Variants in ATP11A observed in about 807,000 individuals in gnomAD.
The protein encoded by ATP11A is ATPase phospholipid transporting 11A, also known as phospholipid-transporting ATPase IH.
A neutral mutation model predicts 154.4 loss-of-function variants in ATP11A; 81 were observed. The observed-to-expected ratio is 0.52, with a 90% CI of 0.44 to 0.63. The LOEUF (loss-of-function observed/expected upper bound fraction) is 0.63. Ranked by LOEUF, ATP11A falls within the 30% of genes least tolerant of loss-of-function variation. ATP11A has a pLI of 0.00. For synonymous variants in ATP11A, 623 were observed against 585.9 expected, an observed-to-expected ratio of 1.06 and a Z score of -0.91; for missense variants, 1,316 against 1,474.3, an observed-to-expected ratio of 0.89 and a Z score of 1.76.
intron 25 of ATP11A, among the ~76,000 whole-genome samples, chr13:112,868,481 T>C (rs1594231566): frequency 6.6e-6 from 1 of 152,300 alleles, no homozygotes; most frequent in South Asian, 2.1e-4. Flanking sequence ...CAGAGGCAGA[T>C]CTGCTGAAGG....
Position 112,856,021 on chromosome 13 carries a change from T to C in ATP11A, c.2354T>C (p.Leu785Pro), listed in dbSNP as rs542506618. ...TCCGGCAACTACAGGGAGCTCTTCCTGGAAATCTGCCGGAGCTGCAGCGCG... is the reference window on the plus strand; with the variant it reads ...TCCGGCAACTACAGGGAGCTCTTCCCGGAAATCTGCCGGAGCTGCAGCGCG... ...GSSGNYRELFLEICRSCSAVL... is the reference protein window; with the variant it reads ...GSSGNYRELFPEICRSCSAVL... The change falls in exon 20 of 30, where the codon CTG becomes CCG. Residue 785 changes from leucine (L) to proline (P), a missense_variant. This residue lies in a region of ATP11A where 876 missense variants were observed against 1,006.8 expected (regional missense o/e 0.87). Coordinates refer to ENST00000375645, the MANE Select transcript of ATP11A (RefSeq NM_015205.3). 12 of 1,614,208 alleles carry C rather than the reference T, an allele frequency of 7.4e-6. 1 individual carries two copies. In the South Asian group the frequency reaches 1.3e-4, roughly 18 times the overall value.
intron 2 of ATP11A, among the ~76,000 whole-genome samples, chr13:112,801,332 C>T (rs575099955): frequency 3.4e-5 from 4 of 116,526 alleles, no homozygotes; most frequent in Non-Finnish European, 5.2e-5. Context: ...CTACAGCTGA[C>T]GTCATACTTA....
chr13:112,822,025 T>G (rs946120427), intron 8 of ATP11A, among the ~76,000 whole-genome samples: 1 of 152,234 alleles, frequency 6.6e-6, no homozygotes, highest in Non-Finnish European at 1.5e-5. Context: ...TTCAGCCGGA[T>G]GCAGTTCTGA....
Position 112,807,825 on chromosome 13 carries a change from C to G in ATP11A, c.333+1532C>G, listed in dbSNP as rs925702377. On this transcript the variant is annotated intron_variant, in intron 4 of 29. Transcript: ENST00000375645. This position sits in a 1 kb window ranked among gnomAD's most constrained non-coding sequence, Gnocchi z 4.5. ...ACAGGAAGGAGACCCCTGAGCCTCT[C>G]AAGGGGAGCAGAGAGAAGGGGCGCG... Among the ~76,000 whole-genome samples, 1 of 152,106 alleles carries G rather than the reference C, an allele frequency of 6.6e-6. No individual in the cohort carries two copies. The highest frequency in any genetic ancestry group is 1.5e-5 in the Non-Finnish European group (1 of 68,006).
At chr13:112,767,766 T>C (rs562915416) in intron 1 of ATP11A, among the ~76,000 whole-genome samples, 2 of 152,250 alleles carry the variant, frequency 1.3e-5, no homozygotes, top group East Asian at 3.9e-4. Flanking sequence ...CTGAAGTCTC[T>C]CAGAGCTCTA....
rs371907043 is a variant in ATP11A, at chr13:112,876,361, A to G, written c.3327+420A>G. Among the ~76,000 whole-genome samples, 6 of 152,128 alleles carry G rather than the reference A, an allele frequency of 3.9e-5. No individual in the cohort carries two copies. The East Asian group carries it at 1.2e-3, about 30-fold the overall frequency. ...GAGCTGCTTATTTTACACACTCCCA[A>G]GTTTTAGGCACAAGCAGAATTCTGG... On this transcript the variant is annotated intron_variant, in intron 28 of 29. Transcript: ENST00000375645.
chr13:112,849,987 C>T, intron 17 of ATP11A, among the ~76,000 whole-genome samples: 1 of 152,204 alleles, frequency 6.6e-6, no homozygotes, highest in East Asian at 1.9e-4. Context: ...CTCAGGCACA[C>T]ATAGACCCTG....
intron 1 of ATP11A, among the ~76,000 whole-genome samples, chr13:112,752,722 C>G (rs2076723899): frequency 6.6e-6 from 1 of 152,222 alleles, no homozygotes; most frequent in South Asian, 2.1e-4. Context: ...GTTTAATAGC[C>G]TGGAATAGCA....
chr13:112,840,348 C>T (rs1249454481), intron 16 of ATP11A, among the ~76,000 whole-genome samples: 1 of 135,026 alleles, frequency 7.4e-6, no homozygotes, highest in Admixed American at 7.2e-5. Flanking sequence ...CTCAGCCTCC[C>T]CACTCTCCCG....
rs961722221 is a variant in ATP11A, at chr13:112,793,492, C to T, written c.162+8235C>T. ...TGCTGGGTTTACAGACGTGAGTCGC[C>T]GCGCCCATCCAGGGGCACGTTTCTT... On this transcript the variant is annotated intron_variant, in intron 2 of 29. Transcript: ENST00000375645. 7.2e-5 allele frequency among the ~76,000 whole-genome samples: 11 copies of T among 152,190 alleles called. No individual in the cohort carries two copies. In the East Asian group the frequency reaches 1.2e-3, roughly 16 times the overall value.
Position 112,838,494 on chromosome 13 carries a change from G to A in ATP11A, c.1705+2243G>A, listed in dbSNP as rs1346611933. Among the ~76,000 whole-genome samples the A allele has an allele frequency of 6.6e-6, 1 of 152,226 alleles. No homozygotes were observed. The highest frequency in any genetic ancestry group is 1.5e-5 in the Non-Finnish European group (1 of 68,026). ...CAAGAAGGCAAGCATCAGCCACCCCGGAGCCGCCCCTGCCGCGCACTCACC... is the reference window on the plus strand; with the variant it reads ...CAAGAAGGCAAGCATCAGCCACCCCAGAGCCGCCCCTGCCGCGCACTCACC... On this transcript the variant is annotated intron_variant, in intron 16 of 29. Coordinates refer to ENST00000375645, the MANE Select transcript of ATP11A (RefSeq NM_015205.3). The surrounding 1 kb of genome is among the most constrained non-coding windows in gnomAD (Gnocchi z 7.3).
chr13:112,856,095 G>A lies in ATP11A; in HGVS notation c.2418+10G>A, dbSNP rs375981103. ...CTTGCAGAAGGCTCAGGTGCTGCCC[G>A]CCCGTCCTCGATAGCTGGTGGTCAG... On this transcript the variant is annotated intron_variant, in intron 20 of 29. Coordinates refer to ENST00000375645, the MANE Select transcript of ATP11A (RefSeq NM_015205.3). 45 of 1,607,108 alleles carry A rather than the reference G, an allele frequency of 2.8e-5. No homozygotes were observed. The highest frequency in any genetic ancestry group is 2.3e-4 in the South Asian group (21 of 90,436).
intron 1 of ATP11A, among the ~76,000 whole-genome samples, chr13:112,693,992 G>A (rs901527038): frequency 6.6e-6 from 1 of 152,162 alleles, no homozygotes; most frequent in Admixed American, 6.5e-5. Flanking sequence ...GATGGAGAGC[G>A]AGTTCCATTT....
rs1187445633 is a variant in ATP11A, at chr13:112,696,566, C to T, written c.39+6111C>T. 6.6e-6 allele frequency among the ~76,000 whole-genome samples: 1 copy of T among 152,154 alleles called. No individual in the cohort carries two copies. Among genetic ancestry groups the T allele is most frequent in the African/African-American group, 2.4e-5 (1 of 41,414 alleles). The stretch of plus-strand genomic sequence containing the variant: ...CCCGCTGTTGGCACCGCTTTAGACC[C>T]CATATTTCCCAGCGGTCACCGTGCT... On this transcript the variant is annotated intron_variant, in intron 1 of 29. Coordinates refer to ENST00000375645, the MANE Select transcript of ATP11A (RefSeq NM_015205.3). This position sits in a 1 kb window ranked among gnomAD's most constrained non-coding sequence, Gnocchi z 6.2.
At chr13:112,802,587 A>G (rs1454082386) in intron 2 of ATP11A, among the ~76,000 whole-genome samples, 1 of 150,532 alleles carries the variant, frequency 6.6e-6, no homozygotes, top group African/African-American at 2.4e-5. Flanking sequence ...AGCAACAGTG[A>G]CTCTAGACAG....
chr13:112,739,545 C>T (rs982934089), intron 1 of ATP11A, among the ~76,000 whole-genome samples: 4 of 152,166 alleles, frequency 2.6e-5, no homozygotes, highest in Admixed American at 6.5e-5. Flanking sequence ...TGAAGCTGCT[C>T]GGAAACACTT....
intron 13 of ATP11A, among the ~76,000 whole-genome samples, chr13:112,832,453 C>T (rs556155249): frequency 5.3e-5 from 8 of 152,308 alleles, no homozygotes; most frequent in African/African-American, 1.7e-4. Flanking sequence ...GTTAGGAGAA[C>T]GTCCCCATCG....
chr13:112,870,082 G>T (rs2080465005), intron 25 of ATP11A, among the ~76,000 whole-genome samples: 1 of 152,170 alleles, frequency 6.6e-6, no homozygotes, highest in Non-Finnish European at 1.5e-5. Context: ...AGCATGTGTA[G>T]ATCTGAGTGA....
At chr13:112,820,743 C>T (rs2140203773) in intron 8 of ATP11A, among the ~76,000 whole-genome samples, 1 of 152,328 alleles carries the variant, frequency 6.6e-6, no homozygotes, top group Non-Finnish European at 1.5e-5. Context: ...TTTAAAGTTG[C>T]ATCTTCTTCA....
Sources: allele counts gnomAD v4.1 joint callset (sites outside exome capture counted in the v4.1 genomes callset), GRCh38; gene constraint gnomAD v4.1.1; regional missense constraint gnomAD v4.1.1; non-coding constraint Gnocchi (gnomAD v3.1); transcripts MANE v1.5; gene names NCBI Gene and HGNC (gene_info 2026-07-23, HGNC 2026-07-21).